HDAC9: variants seen among roughly 807,000 people sequenced by gnomAD.
HDAC9 encodes histone deacetylase 9, also known as MEF-2 interacting transcription repressor (MITR) protein.
A neutral mutation model predicts 139.4 loss-of-function variants in HDAC9; 41 were observed. The observed-to-expected ratio is 0.29, with a 90% CI of 0.23 to 0.38. The LOEUF (loss-of-function observed/expected upper bound fraction) is 0.38, where lower values mean the gene tolerates loss of function less well. HDAC9 is among the 10% of genes least tolerant of loss of function. The pLI is 1.00. For synonymous variants in HDAC9, 517 were observed against 476.2 expected (o/e 1.09, Z -1.12); for missense variants, 1,147 against 1,297.0 (o/e 0.88, Z 1.78).
Position 18,704,813 on chromosome 7 carries a change from C to G in HDAC9, c.1732-22767C>G, listed in dbSNP as rs538723403. Reference sequence around the variant, plus strand: ...CCTACATATCACAAGCAGTTAAATACTAAATTATACTTTAATAAACTAAAA... The same window carrying G: ...CCTACATATCACAAGCAGTTAAATAGTAAATTATACTTTAATAAACTAAAA... On this transcript the variant is annotated intron_variant, in intron 12 of 25. Coordinates refer to ENST00000686413, the MANE Select transcript of HDAC9 (RefSeq NM_178425.4). Among the ~76,000 whole-genome samples the G allele has an allele frequency of 4.6e-5, 7 of 152,024 alleles. 1 individual carries two copies. In the South Asian group the frequency reaches 8.3e-4, roughly 18 times the overall value.
intron 12 of HDAC9, among the ~76,000 whole-genome samples, chr7:18,697,840 T>C (rs562922857): frequency 1.3e-5 from 2 of 152,148 alleles, no homozygotes; most frequent in African/African-American, 4.8e-5. Context: ...AGATTTTTAT[T>C]TTAGGGTTGG....
rs10678670 is a variant in HDAC9 at position 18,541,141 on chromosome 7, G to GTTTTTTT, written c.23-44121_23-44115dup. On this transcript the variant is annotated intron_variant, in intron 2 of 25. Coordinates refer to ENST00000686413, the MANE Select transcript of HDAC9 (RefSeq NM_178425.4). Reference sequence around the variant, plus strand: ...GTGTTTCAAATATCCAAGGAACCGTGTTTTTTTTTTTTTTTTTTTTTTTTT... The same window carrying GTTTTTTT: ...GTGTTTCAAATATCCAAGGAACCGTGTTTTTTTTTTTTTTTTTTTTTTTTTTTTTTTT... 1.2e-4 allele frequency among the ~76,000 whole-genome samples: 8 copies of GTTTTTTT among 65,464 alleles called. 1 individual carries two copies. The highest frequency in any genetic ancestry group is 1.7e-3 in the South Asian group (2 of 1,174). The allele number at this position is 65,464 out of a possible 152,430, so 42.9% of individuals were successfully genotyped here.
chr7:18,814,162 T>G (rs1265320623), intron 17 of HDAC9, among the ~76,000 whole-genome samples: 2 of 152,204 alleles, frequency 1.3e-5, no homozygotes, highest in Admixed American at 6.5e-5. Context: ...TTGCTGAGCT[T>G]TTCTCAGTAC....
intron 21 of HDAC9, among the ~76,000 whole-genome samples, chr7:18,842,568 T>C (rs527997432): frequency 6.6e-6 from 1 of 152,236 alleles, no homozygotes; most frequent in South Asian, 2.1e-4. Flanking sequence ...TGTTGAGATG[T>C]TTCAAAAAGT....
At chr7:18,949,240 G>T (rs1484932164) in intron 23 of HDAC9, 3 of 200,036 alleles carry the variant, frequency 1.5e-5, no homozygotes, top group South Asian at 7.8e-5. Flanking sequence ...CCTCACCCTT[G>T]TCATCGTCAT....
chr7:18,579,793 G>C (rs1453576556), intron 2 of HDAC9, among the ~76,000 whole-genome samples: 2 of 150,202 alleles, frequency 1.3e-5, no homozygotes, highest in Non-Finnish European at 3.0e-5. Flanking sequence ...TTCCATGCCT[G>C]TGTGTGTGTG....
intron 2 of HDAC9, among the ~76,000 whole-genome samples, chr7:18,505,534 G>A (rs1250285974): frequency 6.6e-6 from 1 of 152,140 alleles, no homozygotes; most frequent in Non-Finnish European, 1.5e-5. Context: ...GACAATTTAG[G>A]TGAAAACTGG....
intron 12 of HDAC9, among the ~76,000 whole-genome samples, chr7:18,698,609 A>C (rs896901248): frequency 1.3e-5 from 2 of 152,322 alleles, no homozygotes; most frequent in Admixed American, 6.5e-5. Context: ...TGTCATTGGA[A>C]GAGTGAATGG....
intron 12 of HDAC9, among the ~76,000 whole-genome samples, chr7:18,673,053 A>G (rs1375814417): frequency 6.6e-6 from 1 of 151,916 alleles, no homozygotes; most frequent in African/African-American, 2.4e-5. Flanking sequence ...AATTAAATCA[A>G]TTATTTTTCT....
chr7:18,742,624 C>T (rs576906837), intron 13 of HDAC9, among the ~76,000 whole-genome samples: 3 of 151,976 alleles, frequency 2.0e-5, no homozygotes, highest in African/African-American at 7.2e-5. Flanking sequence ...AGATTTCCTC[C>T]TCAGGAGCAA....
intron 2 of HDAC9, among the ~76,000 whole-genome samples, chr7:18,208,050 G>A (rs547093562): frequency 7.9e-5 from 12 of 152,188 alleles, no homozygotes; most frequent in African/African-American, 2.9e-4. Flanking sequence ...TTGCTTTCAT[G>A]TTCCTTAGGA....
At chr7:18,965,121 T>C (rs1037534602) in intron 24 of HDAC9, among the ~76,000 whole-genome samples, 2 of 152,184 alleles carry the variant, frequency 1.3e-5, no homozygotes, top group Non-Finnish European at 2.9e-5. Context: ...AGAGACTGAC[T>C]CTTTCCCAGA....
intron 12 of HDAC9, among the ~76,000 whole-genome samples, chr7:18,675,676 C>T (rs1781457815): frequency 6.6e-6 from 1 of 151,996 alleles, no homozygotes; most frequent in Non-Finnish European, 1.5e-5. Flanking sequence ...CATGTCCTAG[C>T]ACACATAGAA....
rs575053509 is a variant in HDAC9, at chr7:18,136,289, C to T, written c.-96-25940C>T. Among the ~76,000 whole-genome samples, 21 of 151,968 alleles carry T rather than the reference C, an allele frequency of 1.4e-4. No homozygotes were observed. In the South Asian group the frequency reaches 4.2e-3, roughly 30 times the overall value. ...TCTGATGGTAGTTTCTTCTGCTGTG[C>T]AGAAGCTCTTGAGTTTAATTAGATC... On this transcript the variant is annotated intron_variant, in intron 1 of 12. Transcript: ENST00000417496.
At chr7:18,605,190 G>C (rs187291578) in intron 6 of HDAC9, among the ~76,000 whole-genome samples, 7 of 152,068 alleles carry the variant, frequency 4.6e-5, no homozygotes, top group African/African-American at 2.4e-5. Context: ...TTTGTGTCCT[G>C]TAGCTCCCTC....
At chr7:18,365,243 T>C (rs1233365203) in intron 1 of HDAC9, among the ~76,000 whole-genome samples, 1 of 152,068 alleles carries the variant, frequency 6.6e-6, no homozygotes, top group Non-Finnish European at 1.5e-5. Context: ...GTGAGTGAGA[T>C]AGAACTAGAG....
chr7:18,232,354 C>G (rs545041580), intron 2 of HDAC9, among the ~76,000 whole-genome samples: 1 of 152,206 alleles, frequency 6.6e-6, no homozygotes, highest in South Asian at 2.1e-4. Flanking sequence ...TTCCTTGTTA[C>G]TGTAGTCCCA....
intron 1 of HDAC9, among the ~76,000 whole-genome samples, chr7:18,365,294 C>T (rs1365893): frequency 6.6e-6 from 1 of 151,524 alleles, no homozygotes; most frequent in African/African-American, 2.4e-5. Flanking sequence ...TCTGATAGGT[C>T]GGAGCTGCAT....
rs186469588 is a variant in HDAC9 at position 18,722,598 on chromosome 7, A to C, written c.1732-4982A>C. On this transcript the variant is annotated intron_variant, in intron 12 of 25. Transcript: ENST00000686413. ...ACAGAAAAATGTAATTTCAGCTTTC[A>C]AGCTCAAGAAGGATGCTTTTGTTAA... Among the ~76,000 whole-genome samples, 3 of 152,302 alleles carry C rather than the reference A, an allele frequency of 2.0e-5. No individual in the cohort carries two copies. In the East Asian group the frequency reaches 5.8e-4, roughly 29 times the overall value.
Sources: gnomAD v4.1 joint callset for allele counts (sites outside exome capture counted in the v4.1 genomes callset) on GRCh38, gnomAD v4.1.1 for gene constraint, MANE v1.5 for transcripts, NCBI Gene and HGNC (gene_info 2026-07-23, HGNC 2026-07-21) for gene names.